PCDH11X: variants seen among roughly 807,000 people sequenced by gnomAD.
PCDH11X encodes protocadherin 11 X-linked, also known as protocadherin-11 X-linked.
A neutral mutation model predicts 53.3 loss-of-function variants in PCDH11X; 18 were observed. The observed-to-expected ratio is 0.34, with a 90% confidence interval of 0.23 to 0.50. The LOEUF is 0.50. PCDH11X is among the 20% of genes least tolerant of loss of function. PCDH11X has a pLI of 0.98. For missense variants in PCDH11X, 570 were observed against 1,032.4 expected (o/e 0.55, Z 6.14); for synonymous variants, 279 against 393.3 (o/e 0.71, Z 3.44).
intron 10 of PCDH11X, among the ~76,000 whole-genome samples, chrX:92,562,440 G>T (rs1205174556): frequency 9.9e-6 from 1 of 101,192 alleles, no homozygotes; most frequent in Admixed American, 1.1e-4. Context: ...ATCCCACAAA[G>T]TCTTAATTCA....
intron 6 of PCDH11X, among the ~76,000 whole-genome samples, chrX:92,002,207 C>T (rs2062522550): frequency 9.0e-6 from 1 of 110,940 alleles, no homozygotes; most frequent in South Asian, 3.8e-4. Context: ...AATGAATTCA[C>T]TCTTGGGGTG....
chrX:92,233,626 C>T (rs1225317394), intron 7 of PCDH11X, among the ~76,000 whole-genome samples: 1 of 111,173 alleles, frequency 9.0e-6, no homozygotes, highest in Non-Finnish European at 1.9e-5. Context: ...TACTTTAGTT[C>T]ACAGAAAAAA....
chrX:92,158,197 C>A (rs2148253128), intron 6 of PCDH11X, among the ~76,000 whole-genome samples: 1 of 111,493 alleles, frequency 9.0e-6, no homozygotes, highest in Non-Finnish European at 1.9e-5. Flanking sequence ...GCCTGGGCAA[C>A]AAGAGCAAGA....
At chrX:91,888,396 T>C (rs1187948068) in intron 6 of PCDH11X, among the ~76,000 whole-genome samples, 12 of 112,263 alleles carry the variant, frequency 1.1e-4, no homozygotes, top group African/African-American at 3.9e-4. Context: ...CTCATGCCTG[T>C]AATCCCAGCA....
intron 6 of PCDH11X, among the ~76,000 whole-genome samples, chrX:92,000,294 G>A (rs1488980980): frequency 9.0e-6 from 1 of 111,681 alleles, no homozygotes; most frequent in African/African-American, 3.3e-5. Flanking sequence ...ATACGGATTT[G>A]CCAAGGTGCC....
intron 6 of PCDH11X, among the ~76,000 whole-genome samples, chrX:92,186,560 G>A (rs935539504): frequency 3.7e-5 from 4 of 107,611 alleles, no homozygotes; most frequent in South Asian, 4.1e-4. Flanking sequence ...CCCGGGAGGC[G>A]GAGGTTGCGG....
chrX:92,490,317 T>C (rs1324951697), intron 10 of PCDH11X, among the ~76,000 whole-genome samples: 7 of 110,588 alleles, frequency 6.3e-5, no homozygotes, highest in Non-Finnish European at 1.9e-5. Context: ...TAAAATATAA[T>C]TTGTATTTCC....
chrX:92,378,996 G>C (rs184494778), intron 8 of PCDH11X, among the ~76,000 whole-genome samples: 1,553 of 113,102 alleles, frequency 0.014, 26 homozygotes, highest in African/African-American at 0.047. Flanking sequence ...ATTTGTGATG[G>C]CAGTGGCGGC....
chrX:92,425,308 G>C (rs1182731328), intron 9 of PCDH11X, among the ~76,000 whole-genome samples: 1 of 110,207 alleles, frequency 9.1e-6, no homozygotes. Context: ...AAGGATCGTA[G>C]CAGTAGATGT....
At chrX:92,022,105 G>A (rs910849658) in intron 6 of PCDH11X, among the ~76,000 whole-genome samples, 5 of 107,006 alleles carry the variant, frequency 4.7e-5, no homozygotes, top group African/African-American at 6.8e-5. Context: ...TGAAGAAACC[G>A]CATCAATTAG....
intron 8 of PCDH11X, among the ~76,000 whole-genome samples, chrX:92,360,379 A>G (rs1458254344): frequency 6.3e-5 from 7 of 111,595 alleles, no homozygotes; most frequent in Non-Finnish European, 1.3e-4. Context: ...GAAACACTGG[A>G]ACATTTTAAC....
At chrX:92,143,393 G>A (rs2065219680) in intron 6 of PCDH11X, among the ~76,000 whole-genome samples, 1 of 112,425 alleles carries the variant, frequency 8.9e-6, no homozygotes, top group Non-Finnish European at 1.9e-5. Flanking sequence ...GGTTTTGTGG[G>A]CCTGGTGCAG....
intron 8 of PCDH11X, among the ~76,000 whole-genome samples, chrX:92,348,060 G>GA: frequency 9.0e-6 from 1 of 111,338 alleles, no homozygotes; most frequent in Middle Eastern, 4.6e-3. Flanking sequence ...TAATTAGGGT[G>GA]ATTTATTATA....
intron 6 of PCDH11X, among the ~76,000 whole-genome samples, chrX:92,197,131 C>T (rs1177313715): frequency 9.0e-6 from 1 of 111,423 alleles, no homozygotes; most frequent in Non-Finnish European, 1.9e-5. Flanking sequence ...ATTCCAAAGC[C>T]TCTATCCTTT....
At chrX:91,820,685 C>T (rs922408601) in intron 4 of PCDH11X, among the ~76,000 whole-genome samples, 4 of 102,288 alleles carry the variant, frequency 3.9e-5, no homozygotes, top group Non-Finnish European at 5.7e-5. Context: ...AATTAGATCC[C>T]ATTTGTCAAT....
intron 8 of PCDH11X, among the ~76,000 whole-genome samples, chrX:92,360,508 A>G (rs1319818514): frequency 4.5e-5 from 5 of 109,970 alleles, no homozygotes; most frequent in Non-Finnish European, 7.6e-5. Flanking sequence ...ATCAATTATA[A>G]TATGTGGGGA....
intron 6 of PCDH11X, among the ~76,000 whole-genome samples, chrX:92,127,547 G>A (rs1434618501): frequency 6.2e-5 from 6 of 96,497 alleles, no homozygotes; most frequent in Admixed American, 2.3e-4. Context: ...TTGAGACGGA[G>A]CCTCGCCCTG....
chrX:92,188,190 A>G (rs924475254), intron 6 of PCDH11X, among the ~76,000 whole-genome samples: 1 of 111,232 alleles, frequency 9.0e-6, no homozygotes, highest in African/African-American at 3.3e-5. Flanking sequence ...CTCTTCTCCC[A>G]GTTTCTTCTG....
At chrX:92,616,726 C>G (rs1408351569) in intron 10 of PCDH11X, among the ~76,000 whole-genome samples, 4 of 107,384 alleles carry the variant, frequency 3.7e-5, no homozygotes, top group African/African-American at 1.4e-4. Flanking sequence ...TACCTTTCCC[C>G]ATAAATTATA....
Sources: allele counts gnomAD v4.1 joint callset (sites outside exome capture counted in the v4.1 genomes callset), GRCh38; gene constraint gnomAD v4.1.1; transcripts MANE v1.5; gene names NCBI Gene and HGNC (gene_info 2026-07-23, HGNC 2026-07-21).